Variants in C5AR1 observed in about 807,000 individuals in gnomAD.
C5AR1 encodes the protein C5a anaphylatoxin chemotactic receptor 1.
C5AR1 carries 4 observed loss-of-function variants against 2.4 expected under a neutral mutation model. The observed-to-expected ratio is 1.65, with a 90% CI of 0.81 to 3.77. The LOEUF (loss-of-function observed/expected upper bound fraction) is 3.77. C5AR1 is among the 30% of genes most tolerant of loss of function. The pLI, the probability that C5AR1 is intolerant of heterozygous loss-of-function variation, is 0.01. For synonymous variants in C5AR1, 209 were observed against 210.4 expected, an observed-to-expected ratio of 0.99 and a Z score of 0.06; for missense variants, 418 against 462.5, an observed-to-expected ratio of 0.90 and a Z score of 0.88.
chr19:47,308,353 C>T (rs1048136858), upstream of C5AR1, among the ~76,000 whole-genome samples: 20 of 151,932 alleles, frequency 1.3e-4, no homozygotes, highest in African/African-American at 4.6e-4. Context: ...AGGACCATCT[C>T]GTTACAGGAA....
At chr19:47,315,176 C>T (rs551978429) in intron 1 of C5AR1, among the ~76,000 whole-genome samples, 1 of 152,180 alleles carries the variant, frequency 6.6e-6, no homozygotes, top group Non-Finnish European at 1.5e-5. Context: ...AGCCACTGCA[C>T]CTGGCCAACT....
intron 1 of C5AR1, among the ~76,000 whole-genome samples, chr19:47,316,978 G>A: frequency 6.7e-6 from 1 of 148,830 alleles, no homozygotes; most frequent in Non-Finnish European, 1.5e-5. Context: ...AGGAGTTTGA[G>A]ACCAGCCTGT....
At chr19:47,315,431 C>T (rs944800695) in intron 1 of C5AR1, among the ~76,000 whole-genome samples, 8 of 152,108 alleles carry the variant, frequency 5.3e-5, no homozygotes, top group African/African-American at 1.9e-4. Flanking sequence ...ATGGCAGGAA[C>T]GGAGCTTTGT....
In C5AR1 at chr19:47,320,606, C is replaced by G; in HGVS notation, c.829C>G (p.Leu277Val). Residue 277 changes from leucine (L) to valine (V), a missense_variant, in exon 2 of 2, where the codon CTG becomes GTG. Transcript: ENST00000355085. The surrounding 1 kb of genome is among the most constrained non-coding windows in gnomAD (Gnocchi z 4.9). ...GGAGCCATCGTCACCCACCTTCCTG[C>G]TGCTGAAGAAGCTGGACTCCCTGTG... is the stretch of plus-strand genomic sequence containing the variant. ...FLEPSSPTFL[L>V]LKKLDSLCVS... 1.2e-6 allele frequency: 2 copies of G among 1,614,060 alleles called. No individual in the cohort carries two copies. The highest frequency in any genetic ancestry group is 1.7e-6 in the Non-Finnish European group (2 of 1,179,960).
rs562185667 is a variant in C5AR1, at chr19:47,319,689, CAG to C, written c.4-91_4-90del. 2,123 of 791,116 alleles carry C rather than the reference CAG, an allele frequency of 2.7e-3. 54 individuals carry two copies. In the Admixed American group the frequency reaches 0.044, roughly 16 times the overall value. 49.0% of individuals were successfully genotyped at this position (791,116 alleles called of 1,614,324 possible). On this transcript the variant is annotated intron_variant, in intron 1 of 1. Coordinates refer to ENST00000355085, the MANE Select transcript of C5AR1 (RefSeq NM_001736.4). Reference sequence around the variant, plus strand: ...CATTTCCTAGTGAGAAAAAGCCACACAGGGGAAAAGCCACATGCCTGAGCCAG... The same window carrying C: ...CATTTCCTAGTGAGAAAAAGCCACACGGGAAAAGCCACATGCCTGAGCCAG...
chr19:47,320,587 A>G lies in C5AR1; in HGVS notation c.810A>G (p.Pro270=). 6.2e-7 allele frequency: 1 copy of G among 1,613,946 alleles called. No homozygotes were observed. The highest frequency in any genetic ancestry group is 1.1e-5 in the South Asian group (1 of 91,066). The part of the protein sequence containing the change: ...VTGIMMSFLE[P]SSPTFLLLKK... ...GGATAATGATGTCCTTCCTGGAGCC[A>G]TCGTCACCCACCTTCCTGCTGCTGA... The change falls in exon 2 of 2, where the codon CCA becomes CCG. Residue 270 remains proline, a synonymous_variant. Coordinates refer to ENST00000355085, the MANE Select transcript of C5AR1 (RefSeq NM_001736.4). This position sits in a 1 kb window ranked among gnomAD's most constrained non-coding sequence, Gnocchi z 4.9.
At chr19:47,313,637 G>T (rs1401792623) in intron 1 of C5AR1, among the ~76,000 whole-genome samples, 2 of 151,870 alleles carry the variant, frequency 1.3e-5, no homozygotes, top group Non-Finnish European at 2.9e-5. Flanking sequence ...CCAGCTACTC[G>T]GGAGGCTGAG....
chr19:47,318,275 C>T (rs1488737639), intron 1 of C5AR1, among the ~76,000 whole-genome samples: 3 of 151,632 alleles, frequency 2.0e-5, no homozygotes, highest in East Asian at 3.9e-4. Context: ...TCTTCATCAG[C>T]GAAATGGGCA....
chr19:47,319,447 T>C (rs2059300890), intron 1 of C5AR1, among the ~76,000 whole-genome samples: 1 of 151,690 alleles, frequency 6.6e-6, no homozygotes, highest in Non-Finnish European at 1.5e-5. Flanking sequence ...TAGCTGGGAC[T>C]ACAGGCAAGT....
chr19:47,319,081 T>TTG (rs2059299375), intron 1 of C5AR1, among the ~76,000 whole-genome samples: 1 of 151,442 alleles, frequency 6.6e-6, no homozygotes, highest in African/African-American at 2.4e-5. Context: ...AGGCGGGGTT[T>TTG]CACTACATTG....
At chr19:47,308,713 G>A (rs149879338), upstream of C5AR1, among the ~76,000 whole-genome samples, 942 of 149,626 alleles carry the variant, frequency 6.3e-3, 8 homozygotes, top group Middle Eastern at 0.014. Context: ...CCACCACCAC[G>A]CCTGGCTAAT....
At position 47,320,757 on chromosome 19, in the gene C5AR1, C is replaced by A. The variant is rs199559290; in HGVS notation, c.980C>A (p.Ser327Tyr). The change falls in exon 2 of 2, where the codon TCC (serine) becomes TAC (tyrosine). Residue 327 changes from serine (S) to tyrosine (Y), a missense_variant. Coordinates refer to ENST00000355085, the MANE Select transcript of C5AR1 (RefSeq NM_001736.4). The surrounding 1 kb of genome is among the most constrained non-coding windows in gnomAD (Gnocchi z 4.9). ...CTCCGGAACGTGTTGACTGAAGAGT[C>A]CGTGGTTAGGGAGAGCAAGTCATTC... is the stretch of plus-strand genomic sequence containing the variant. ...SLLRNVLTEE[S>Y]VVRESKSFTR... 6.2e-7 allele frequency: 1 copy of A among 1,614,108 alleles called. No homozygotes were observed. The highest frequency in any genetic ancestry group is 8.5e-7 in the Non-Finnish European group (1 of 1,180,022).
chr19:47,315,487 G>A (rs1025858409), intron 1 of C5AR1, among the ~76,000 whole-genome samples: 3 of 152,200 alleles, frequency 2.0e-5, no homozygotes, highest in South Asian at 4.1e-4. Context: ...AGAGGGTGGG[G>A]AGGCTCCCCT....
chr19:47,312,272 G>C (rs2059273342), intron 1 of C5AR1, among the ~76,000 whole-genome samples: 1 of 152,060 alleles, frequency 6.6e-6, no homozygotes, highest in Admixed American at 6.6e-5. Context: ...TTTTAGTAGA[G>C]ACGGGGTTTC....
At chr19:47,315,714 G>A (rs1312044724) in intron 1 of C5AR1, among the ~76,000 whole-genome samples, 3 of 152,152 alleles carry the variant, frequency 2.0e-5, no homozygotes, top group Non-Finnish European at 4.4e-5. Context: ...GAGTGGGGGT[G>A]TCCCAGAGTA....
At chr19:47,308,376 G>A (rs2059260197), upstream of C5AR1, among the ~76,000 whole-genome samples, 1 of 151,912 alleles carries the variant, frequency 6.6e-6, no homozygotes, top group South Asian at 2.1e-4. Context: ...CAAGCTCAGG[G>A]ATTCCACTGA....
At chr19:47,317,278 C>T (rs11083872) in intron 1 of C5AR1, among the ~76,000 whole-genome samples, 1 of 151,392 alleles carries the variant, frequency 6.6e-6, no homozygotes. Context: ...AGACCAAGGC[C>T]GGAGGATTGC....
intron 1 of C5AR1, among the ~76,000 whole-genome samples, chr19:47,313,181 T>A (rs2059276054): frequency 6.6e-6 from 1 of 152,014 alleles, no homozygotes; most frequent in Non-Finnish European, 1.5e-5. Context: ...TTTCACCATG[T>A]TGGCCAGGCT....
chr19:47,319,781 G>A lies in C5AR1; in HGVS notation c.4G>A (p.Asp2Asn), dbSNP rs4467185. ...CTCTGCTCTCTCCGATTCCCCTTAGGACTCCTTCAATTATACCACCCCTGA... is the reference window on the plus strand; with the variant it reads ...CTCTGCTCTCTCCGATTCCCCTTAGAACTCCTTCAATTATACCACCCCTGA... Reference protein sequence around the residue: MDSFNYTTPDYG... With the variant: MNSFNYTTPDYG... The change falls in exon 2 of 2, where the codon GAC becomes AAC. Residue 2 changes from aspartate to asparagine, a missense_variant and splice_region_variant. Coordinates refer to ENST00000355085, the MANE Select transcript of C5AR1 (RefSeq NM_001736.4). 0.98 allele frequency: 1,568,113 copies of A among 1,594,666 alleles called. 771,229 individuals carry two copies. Among genetic ancestry groups the A allele is most frequent in the East Asian group, 1 (44,741 of 44,742 alleles).
Sources: gnomAD v4.1 joint callset for allele counts (sites outside exome capture counted in the v4.1 genomes callset) on GRCh38, gnomAD v4.1.1 for gene constraint, Gnocchi (gnomAD v3.1) non-coding constraint, MANE v1.5 for transcripts, NCBI Gene and HGNC (gene_info 2026-07-23, HGNC 2026-07-21) for gene names.